Variants in EPB41L2 observed in about 807,000 individuals in gnomAD.
EPB41L2 encodes the protein erythrocyte membrane protein band 4.1 like 2.
In EPB41L2, 43 loss-of-function variants were observed where a neutral mutation model predicts 113.0. That is an observed-to-expected ratio of 0.38 (90% CI 0.30 to 0.49). The LOEUF (loss-of-function observed/expected upper bound fraction) is 0.49. Ranked by LOEUF, EPB41L2 falls within the 20% of genes least tolerant of loss-of-function variation. EPB41L2 has a pLI of 0.95. For missense variants in EPB41L2, 1,147 were observed against 1,223.4 expected (o/e 0.94, Z 0.93); for synonymous variants, 442 against 436.7 (o/e 1.01, Z -0.15).
At chr6:130,986,746 C>A (rs1417978656) in intron 1 of EPB41L2, among the ~76,000 whole-genome samples, 1 of 151,960 alleles carries the variant, frequency 6.6e-6, no homozygotes, top group Non-Finnish European at 1.5e-5. Flanking sequence ...CCACCACACC[C>A]GGCTCATGTT....
chr6:130,892,664 A>AG (rs79913460), intron 10 of EPB41L2, among the ~76,000 whole-genome samples: 69,829 of 151,764 alleles, frequency 0.46, 17,885 homozygotes, highest in East Asian at 0.77. Context: ...AATAGATATT[A>AG]TCAATTTAAC....
chr6:130,899,406 A>T, intron 8 of EPB41L2, 85 bp downstream of exon 8: 1 of 1,048,254 alleles, frequency 9.5e-7, no homozygotes. Flanking sequence ...CCCAAAAATA[A>T]GCTGTGCTAT....
rs1007311053 is a variant in EPB41L2 at position 130,940,261 on chromosome 6, C to G, written c.706-13552G>C. 1.1e-4 allele frequency among the ~76,000 whole-genome samples: 17 copies of G among 152,246 alleles called. 1 individual carries two copies. Among genetic ancestry groups the G allele is most frequent in the African/African-American group, 4.1e-4 (17 of 41,532 alleles). On this transcript the variant is annotated intron_variant, in intron 3 of 19. Coordinates refer to ENST00000337057, the MANE Select transcript of EPB41L2 (RefSeq NM_001431.4). ...TGGATCAAAAATGGCAACACTAGCC[C>G]TGTAAAGCCAGGAAAGTGGTTTGCC...
At chr6:130,997,041 A>G (rs1783298625) in intron 1 of EPB41L2, among the ~76,000 whole-genome samples, 1 of 152,232 alleles carries the variant, frequency 6.6e-6, no homozygotes, top group South Asian at 2.1e-4. Context: ...TAGATTTACC[A>G]AAAACACAGA....
intron 12 of EPB41L2, among the ~76,000 whole-genome samples, chr6:130,884,369 T>G (rs954459189): frequency 2.0e-5 from 3 of 152,062 alleles, no homozygotes; most frequent in Non-Finnish European, 2.9e-5. Context: ...GAAAACACTA[T>G]GAAATCAATA....
At chr6:130,898,398 C>T (rs1183927869) in intron 8 of EPB41L2, among the ~76,000 whole-genome samples, 1 of 152,108 alleles carries the variant, frequency 6.6e-6, no homozygotes, top group Admixed American at 6.5e-5. Context: ...ATAATCTGGG[C>T]TTCTAAACAA....
chr6:130,861,609 C>T (rs1189710522), intron 18 of EPB41L2, among the ~76,000 whole-genome samples: 18 of 152,086 alleles, frequency 1.2e-4, no homozygotes, highest in East Asian at 1.9e-4. Flanking sequence ...TGGTAGCTCA[C>T]GACTGTAATC....
chr6:130,961,856 C>T (rs1223806717), intron 1 of EPB41L2, among the ~76,000 whole-genome samples: 1 of 152,120 alleles, frequency 6.6e-6, no homozygotes, highest in East Asian at 1.9e-4. Flanking sequence ...TATTTCTAAG[C>T]TTCAAAAATG....
intron 1 of EPB41L2, among the ~76,000 whole-genome samples, chr6:130,965,129 T>C (rs115187072): frequency 6.6e-6 from 1 of 152,142 alleles, no homozygotes; most frequent in Non-Finnish European, 1.5e-5. Flanking sequence ...CAGTATCTTA[T>C]CCCCTTCTTT....
At chr6:131,042,166 A>C (rs1794586968) in intron 1 of EPB41L2, among the ~76,000 whole-genome samples, 1 of 152,138 alleles carries the variant, frequency 6.6e-6, no homozygotes, top group East Asian at 1.9e-4. Flanking sequence ...CCATTATAAA[A>C]AGTATTTTTT....
intron 1 of EPB41L2, among the ~76,000 whole-genome samples, chr6:130,983,216 T>C (rs1779784912): frequency 6.6e-6 from 1 of 152,232 alleles, no homozygotes; most frequent in African/African-American, 2.4e-5. Flanking sequence ...GTTTCTATCT[T>C]CCAAACACAC....
intron 1 of EPB41L2, among the ~76,000 whole-genome samples, chr6:130,957,860 T>C (rs762643262): frequency 5.9e-5 from 9 of 152,232 alleles, no homozygotes; most frequent in Non-Finnish European, 1.0e-4. Flanking sequence ...TGCCCATTAG[T>C]AGTCACTCTG....
intron 1 of EPB41L2, among the ~76,000 whole-genome samples, chr6:131,028,829 TA>T (rs2128748359): frequency 6.6e-6 from 1 of 152,274 alleles, no homozygotes; most frequent in African/African-American, 2.4e-5. Flanking sequence ...ATGCTCTAAG[TA>T]ATAATTATCT....
intron 11 of EPB41L2, 102 bp from the exon 12 acceptor site, chr6:130,885,370 G>A (rs1790607177): frequency 9.3e-7 from 1 of 1,078,514 alleles, no homozygotes; most frequent in Non-Finnish European, 1.4e-6. Context: ...CATATAAATA[G>A]TGAACAGGAA....
intron 1 of EPB41L2, among the ~76,000 whole-genome samples, chr6:131,003,556 T>C (rs1329219029): frequency 6.6e-6 from 1 of 152,214 alleles, no homozygotes; most frequent in East Asian, 1.9e-4. Flanking sequence ...TTTCCACTAC[T>C]ACTTTTCTCA....
intron 1 of EPB41L2, among the ~76,000 whole-genome samples, chr6:131,062,215 CTT>C (rs896891348): frequency 2.0e-5 from 3 of 150,238 alleles, no homozygotes; most frequent in Non-Finnish European, 3.0e-5. Flanking sequence ...AAAAAAAAAA[CTT>C]GACCTCAGGG....
chr6:130,956,969 A>C (rs1817649917), intron 1 of EPB41L2, among the ~76,000 whole-genome samples: 1 of 152,176 alleles, frequency 6.6e-6, no homozygotes, highest in Admixed American at 6.5e-5. Context: ...TTAAACCCAA[A>C]ATCTATCAAA....
intron 14 of EPB41L2, among the ~76,000 whole-genome samples, chr6:130,871,806 A>G (rs899781464): frequency 2.0e-5 from 3 of 152,238 alleles, no homozygotes; most frequent in Admixed American, 2.0e-4. Flanking sequence ...CATATAATAA[A>G]CATATCCAGT....
In EPB41L2 at chr6:131,005,563, T is replaced by C. The variant is rs1254981579; in HGVS notation, c.-14-49064A>G. ...TAAAGCCAAGCCTTCACATGTATAATGTATTCCAAATGTAAACATTTCTTA... is the reference window on the plus strand; with the variant it reads ...TAAAGCCAAGCCTTCACATGTATAACGTATTCCAAATGTAAACATTTCTTA... On this transcript the variant is annotated intron_variant, in intron 1 of 19. Transcript: ENST00000337057. 2.0e-5 allele frequency among the ~76,000 whole-genome samples: 3 copies of C among 152,298 alleles called. No individual in the cohort carries two copies. In the East Asian group the frequency reaches 5.8e-4, roughly 29 times the overall value.
Sources: allele counts gnomAD v4.1 joint callset (sites outside exome capture counted in the v4.1 genomes callset), GRCh38; gene constraint gnomAD v4.1.1; transcripts MANE v1.5; gene names NCBI Gene and HGNC (gene_info 2026-07-23, HGNC 2026-07-21).